Variants in KIF1A observed in about 807,000 individuals in gnomAD.
KIF1A encodes kinesin family member 1A, also known as kinesin-like protein KIF1A.
A neutral mutation model predicts 227.3 loss-of-function variants in KIF1A; 46 were observed. The ratio of observed to expected loss-of-function variants is 0.20; its 90% CI spans 0.16 to 0.26. The LOEUF (loss-of-function observed/expected upper bound fraction) is 0.26. Ranked by LOEUF, KIF1A falls within the 10% of genes least tolerant of loss-of-function variation. KIF1A has a pLI of 1.00. For missense variants in KIF1A, 1,683 were observed against 2,485.9 expected (o/e 0.68, Z 6.87); for synonymous variants, 1,022 against 1,012.8 (o/e 1.01, Z -0.17).
chr2:240,753,800 T>G (rs1210686458), intron 27 of KIF1A, among the ~76,000 whole-genome samples: 2 of 152,176 alleles, frequency 1.3e-5, no homozygotes, highest in African/African-American at 4.8e-5. Flanking sequence ...AATATGGTAC[T>G]TATACCTCAT....
intron 38 of KIF1A, chr2:240,734,672 A>G: frequency 7.7e-7 from 1 of 1,293,568 alleles, no homozygotes; most frequent in Non-Finnish European, 1.0e-6. Flanking sequence ...GGAGGAAAGA[A>G]GAGGCTGAAA....
chr2:240,732,566 A>G (rs1575538580), intron 38 of KIF1A, among the ~76,000 whole-genome samples: 1 of 34,802 alleles, frequency 2.9e-5, no homozygotes, highest in Admixed American at 3.7e-4. Flanking sequence ...ATGGGGGATG[A>G]GGGGGGTATG....
rs76770519 is a variant in KIF1A at position 240,758,936 on chromosome 2, C to A, written c.2445-439G>T. Among the ~76,000 whole-genome samples, 1,078 of 152,264 alleles carry A rather than the reference C, an allele frequency of 7.1e-3. 17 individuals carry two copies. Among genetic ancestry groups the A allele is most frequent in the African/African-American group, 0.025 (1,058 of 41,528 alleles). On this transcript the variant is annotated intron_variant, in intron 25 of 48. Coordinates refer to ENST00000498729, the MANE Select transcript of KIF1A (RefSeq NM_001244008.2). This position sits in a 1 kb window ranked among gnomAD's most constrained non-coding sequence, Gnocchi z 5.2. ...CACAGAAGACAGAGAAAATAGCCTA[C>A]AAATTATTATTCCCAAGAAAAACTT...
At position 240,775,706 on chromosome 2, in the gene KIF1A, C is replaced by T; in HGVS notation, c.958+145G>A. The T allele has an allele frequency of 1.6e-6, 1 of 643,374 alleles. No individual in the cohort carries two copies. Among genetic ancestry groups the T allele is most frequent in the Non-Finnish European group, 2.8e-6 (1 of 352,234 alleles). 39.9% of individuals were successfully genotyped at this position (643,374 alleles called of 1,614,324 possible). A position where few individuals can be genotyped will look rare whatever the true frequency, so the allele number is the denominator to read the frequency against. On this transcript the variant is annotated intron_variant, in intron 11 of 48. Transcript: ENST00000498729. The surrounding 1 kb of genome is among the most constrained non-coding windows in gnomAD (Gnocchi z 5.5). The stretch of plus-strand genomic sequence containing the variant: ...GTCCTCCAGAAGGGCCACGAACTGA[C>T]TGGACCCTCCAGGTTCACCTCCCAG...
Position 240,719,168 on chromosome 2 carries a change from G to A in KIF1A, c.5052C>T (p.His1684=), listed in dbSNP as rs2044948522. The A allele has an allele frequency of 6.2e-7, 1 of 1,609,578 alleles. No individual in the cohort carries two copies. Among genetic ancestry groups the A allele is most frequent in the Non-Finnish European group, 8.5e-7 (1 of 1,178,116 alleles). Reference sequence around the variant, plus strand: ...AGCCTGACGTGTGCGGCTCCAGGAAGTGCAGGTACCCCTTCTTGGAAACGA... The same window carrying A: ...AGCCTGACGTGTGCGGCTCCAGGAAATGCAGGTACCCCTTCTTGGAAACGA... ...SPIVSKKGYL[H]FLEPHTSGWA... is the part of the protein sequence containing the mutation. Residue 1684 remains histidine, a synonymous_variant, in exon 47 of 49, where the codon CAC becomes CAT. Coordinates refer to ENST00000498729, the MANE Select transcript of KIF1A (RefSeq NM_001244008.2).
At chr2:240,799,478 G>A (rs1397034480) in intron 1 of KIF1A, among the ~76,000 whole-genome samples, 1 of 152,158 alleles carries the variant, frequency 6.6e-6, no homozygotes, top group Non-Finnish European at 1.5e-5. Context: ...GGCTGGACTC[G>A]TGCCGCCTAC....
upstream of KIF1A, among the ~76,000 whole-genome samples, chr2:240,821,289 C>T (rs1271814102): frequency 6.6e-6 from 1 of 152,252 alleles, no homozygotes; most frequent in Non-Finnish European, 1.5e-5. Flanking sequence ...GCTGCCCTAG[C>T]GGCCTCGCCG....
Position 240,743,802 on chromosome 2 carries a change from G to C in KIF1A, c.3584+140C>G. 5.0e-6 allele frequency: 3 copies of C among 604,344 alleles called. 1 individual carries two copies. In the South Asian group the frequency reaches 6.4e-5, roughly 13 times the overall value. The allele number at this position is 604,344 out of a possible 1,614,324, so 37.4% of individuals were successfully genotyped here. ...GCTCTCTGAGTCCTGCCAGCCCTGG[G>C]CAAAAGGCCTCCTGGATGGGCAGGG... On this transcript the variant is annotated intron_variant, in intron 33 of 48. Coordinates refer to ENST00000498729, the MANE Select transcript of KIF1A (RefSeq NM_001244008.2).
intron 7 of KIF1A, among the ~76,000 whole-genome samples, chr2:240,784,359 G>T (rs184774245): frequency 6.6e-6 from 1 of 152,138 alleles, no homozygotes; most frequent in Middle Eastern, 3.2e-3. Flanking sequence ...ACTTGCCCAC[G>T]GACACCACAG....
intron 1 of KIF1A, among the ~76,000 whole-genome samples, chr2:240,801,380 A>G (rs1274717487): frequency 1.3e-5 from 2 of 152,232 alleles, no homozygotes; most frequent in Non-Finnish European, 2.9e-5. Flanking sequence ...CTCAAGAGAT[A>G]GACACAGTTG....
rs1175994507 is a variant in KIF1A, at chr2:240,793,323, C to A, written c.107-4011G>T. On this transcript the variant is annotated intron_variant, in intron 2 of 48. Transcript: ENST00000498729. This position sits in a 1 kb window ranked among gnomAD's most constrained non-coding sequence, Gnocchi z 4.8. The stretch of plus-strand genomic sequence containing the variant: ...GGACCTCAGGGAGTACCCAGCACCA[C>A]CCCTCACTACTGCACAGGTGGGGAA... Among the ~76,000 whole-genome samples, 3 of 152,342 alleles carry A rather than the reference C, an allele frequency of 2.0e-5. No homozygotes were observed. The highest frequency in any genetic ancestry group is 4.4e-5 in the Non-Finnish European group (3 of 68,022).
At chr2:240,815,318 C>T (rs2058240214) in intron 1 of KIF1A, among the ~76,000 whole-genome samples, 1 of 152,202 alleles carries the variant, frequency 6.6e-6, no homozygotes, top group African/African-American at 2.4e-5. Context: ...TCAGGTGGGC[C>T]TTTCTGGCAG....
chr2:240,747,219 G>A lies in KIF1A; in HGVS notation c.3063+17C>T, dbSNP rs116040950. On this transcript the variant is annotated intron_variant, in intron 29 of 48. Coordinates refer to ENST00000498729, the MANE Select transcript of KIF1A (RefSeq NM_001244008.2). ...CCAGGCACCTCCAGGTCTGGGACTC[G>A]GGAGGGAGCTTGGTACCTTTTCAAA... The A allele has an allele frequency of 0.012, 19,467 of 1,601,538 alleles. 153 individuals are homozygous for A. Among genetic ancestry groups the A allele is most frequent in the Non-Finnish European group, 0.015 (17,512 of 1,169,214 alleles).
At chr2:240,785,760 C>A (rs1452558909) in intron 6 of KIF1A, among the ~76,000 whole-genome samples, 5 of 152,170 alleles carry the variant, frequency 3.3e-5, no homozygotes, top group Non-Finnish European at 7.4e-5. Flanking sequence ...TGTGGGGCCA[C>A]CAAAGGGGTG....
intron 40 of KIF1A, chr2:240,724,461 CAGGT>C: frequency 3.9e-6 from 1 of 255,334 alleles, no homozygotes; most frequent in Non-Finnish European, 7.6e-6. Context: ...CTCCCACAGA[CAGGT>C]CGGTGGCATC....
chr2:240,795,595 C>T (rs910907172), intron 2 of KIF1A, among the ~76,000 whole-genome samples: 1 of 152,214 alleles, frequency 6.6e-6, no homozygotes, highest in Non-Finnish European at 1.5e-5. Flanking sequence ...CTGCCAGTGT[C>T]GAGGTCTTGG....
Position 240,725,648 on chromosome 2 carries a change from T to G in KIF1A, c.4123-244A>C. Reference sequence around the variant, plus strand: ...GGGCTGCCTGAGGGACTGGTCTCCATGTGTGGGGACCCCGAGGGTCCCAGA... The same window carrying G: ...GGGCTGCCTGAGGGACTGGTCTCCAGGTGTGGGGACCCCGAGGGTCCCAGA... On this transcript the variant is annotated intron_variant, in intron 39 of 48. Transcript: ENST00000498729. The surrounding 1 kb of genome is among the most constrained non-coding windows in gnomAD (Gnocchi z 5.8). The G allele has an allele frequency of 2.0e-6, 1 of 503,584 alleles. No individual in the cohort carries two copies. The highest frequency in any genetic ancestry group is 3.5e-5 in the East Asian group (1 of 28,454). The allele number at this position is 503,584 out of a possible 1,614,324, so 31.2% of individuals were successfully genotyped here.
chr2:240,795,356 C>T (rs544978369), intron 2 of KIF1A, among the ~76,000 whole-genome samples: 4 of 152,350 alleles, frequency 2.6e-5, no homozygotes, highest in East Asian at 1.9e-4. Flanking sequence ...CTAAAGGAAA[C>T]GTGGCTGCCC....
rs941609961 is a variant in KIF1A at position 240,739,430 on chromosome 2, G to A, written c.3901+628C>T. Among the ~76,000 whole-genome samples, 7 of 152,216 alleles carry A rather than the reference G, an allele frequency of 4.6e-5. No homozygotes were observed. The highest frequency in any genetic ancestry group is 1.2e-4 in the African/African-American group (5 of 41,456). On this transcript the variant is annotated intron_variant, in intron 37 of 48. Transcript: ENST00000498729. This position sits in a 1 kb window ranked among gnomAD's most constrained non-coding sequence, Gnocchi z 5.6. ...GGAATTGTGTCCCCGAAAAATATAC[G>A]TGGAAGTCCTAACCTCCAGGACCTT...
Sources: allele counts gnomAD v4.1 joint callset (sites outside exome capture counted in the v4.1 genomes callset), GRCh38; gene constraint gnomAD v4.1.1; non-coding constraint Gnocchi (gnomAD v3.1); transcripts MANE v1.5; gene names NCBI Gene and HGNC (gene_info 2026-07-23, HGNC 2026-07-21).